Variants in AGBL4 observed in about 807,000 individuals in gnomAD.
AGBL4 encodes AGBL carboxypeptidase 4.
Under a neutral mutation model 66.4 loss-of-function variants are expected in AGBL4, and 58 were observed. The ratio of observed to expected loss-of-function variants is 0.87; its 90% CI spans 0.71 to 1.09. The LOEUF (loss-of-function observed/expected upper bound fraction) is 1.09, where lower values mean the gene tolerates loss of function less well. AGBL4 is among the 50% of genes least tolerant of loss of function. The pLI is 0.00. For synonymous variants in AGBL4, 234 were observed against 222.9 expected (o/e 1.05, Z -0.44); for missense variants, 579 against 631.0 (o/e 0.92, Z 0.88).
chr1:49,304,262 G>T (rs1388441459), intron 3 of AGBL4, among the ~76,000 whole-genome samples: 1 of 152,042 alleles, frequency 6.6e-6, no homozygotes, highest in South Asian at 2.1e-4. Flanking sequence ...TTGTTTTGTC[G>T]AAGATCAGAT....
intron 4 of AGBL4, among the ~76,000 whole-genome samples, chr1:49,071,954 A>G (rs186372453): frequency 2.0e-5 from 3 of 152,124 alleles, no homozygotes; most frequent in Non-Finnish European, 4.4e-5. Flanking sequence ...TATATTCAGG[A>G]TAGTTAGCTC....
At chr1:49,832,555 C>T (rs1014053491) in intron 2 of AGBL4, among the ~76,000 whole-genome samples, 13 of 151,566 alleles carry the variant, frequency 8.6e-5, no homozygotes, top group Non-Finnish European at 1.5e-4. Flanking sequence ...AGTTCTAGAT[C>T]CCTGAGGAAT....
At chr1:49,486,778 C>T (rs1647076506) in intron 3 of AGBL4, among the ~76,000 whole-genome samples, 1 of 151,970 alleles carries the variant, frequency 6.6e-6, no homozygotes, top group African/African-American at 2.4e-5. Flanking sequence ...AAAAAATTTA[C>T]ATTCCTCTTA....
chr1:48,785,455 G>T (rs962999952), intron 6 of AGBL4, among the ~76,000 whole-genome samples: 1 of 152,172 alleles, frequency 6.6e-6, no homozygotes, highest in African/African-American at 2.4e-5. Context: ...TTTCCTCTCT[G>T]TGTTTCTGTG....
intron 2 of AGBL4, among the ~76,000 whole-genome samples, chr1:49,843,723 C>T (rs1201740648): frequency 1.3e-5 from 2 of 152,148 alleles, no homozygotes; most frequent in Non-Finnish European, 2.9e-5. Context: ...AAGATGTGGG[C>T]ATCTTGGGAA....
At chr1:48,901,876 A>G (rs1652114432) in intron 5 of AGBL4, among the ~76,000 whole-genome samples, 2 of 152,304 alleles carry the variant, frequency 1.3e-5, no homozygotes, top group Admixed American at 1.3e-4. Context: ...TGATAAAGAC[A>G]CACCTGAGAC....
chr1:49,747,354 T>C (rs1056300635), intron 2 of AGBL4, among the ~76,000 whole-genome samples: 6 of 152,100 alleles, frequency 3.9e-5, no homozygotes, highest in Non-Finnish European at 7.4e-5. Flanking sequence ...CTCAGCAACA[T>C]AGCGTAGTGA....
intron 3 of AGBL4, among the ~76,000 whole-genome samples, chr1:49,359,080 C>T (rs1458776288): frequency 1.3e-5 from 2 of 152,136 alleles, no homozygotes; most frequent in African/African-American, 4.8e-5. Flanking sequence ...AAGCTGGAGG[C>T]TCAGACAAAT....
At chr1:49,253,838 C>A (rs1570227511) in intron 3 of AGBL4, among the ~76,000 whole-genome samples, 1 of 152,092 alleles carries the variant, frequency 6.6e-6, no homozygotes, top group Non-Finnish European at 1.5e-5. Context: ...AGGCCTTATC[C>A]CTAAGATGCA....
chr1:49,744,260 A>T (rs929176213), intron 2 of AGBL4, among the ~76,000 whole-genome samples: 3 of 151,806 alleles, frequency 2.0e-5, no homozygotes, highest in Non-Finnish European at 4.4e-5. Flanking sequence ...TTCCCATGAG[A>T]TCTAGTTGTT....
At chr1:49,647,802 G>A (rs1487787926) in intron 3 of AGBL4, among the ~76,000 whole-genome samples, 6 of 149,666 alleles carry the variant, frequency 4.0e-5, no homozygotes, top group Admixed American at 1.3e-4. Context: ...ACCCACCTAC[G>A]AGGGAAAGAG....
chr1:49,284,719 A>G (rs559769424), intron 3 of AGBL4, among the ~76,000 whole-genome samples: 614 of 152,150 alleles, frequency 4.0e-3, no homozygotes, highest in African/African-American at 0.014. Flanking sequence ...CAGGGGTTGC[A>G]ATCCTAGTCT....
chr1:49,471,291 A>G (rs1416068410), intron 3 of AGBL4, among the ~76,000 whole-genome samples: 1 of 151,954 alleles, frequency 6.6e-6, no homozygotes, highest in African/African-American at 2.4e-5. Flanking sequence ...TAAACACTAG[A>G]TTTTTGTCCC....
At chr1:49,753,951 T>C (rs1484298111) in intron 2 of AGBL4, among the ~76,000 whole-genome samples, 3 of 152,228 alleles carry the variant, frequency 2.0e-5, no homozygotes, top group Non-Finnish European at 4.4e-5. Context: ...AAACTGGTTA[T>C]TCTAGTTAGC....
chr1:49,505,123 T>G (rs2148771030), intron 3 of AGBL4, among the ~76,000 whole-genome samples: 1 of 152,162 alleles, frequency 6.6e-6, no homozygotes, highest in Non-Finnish European at 1.5e-5. Flanking sequence ...ATAACTACAC[T>G]TTCACTCCAA....
At chr1:49,873,087 A>T (rs532173051) in intron 1 of AGBL4, among the ~76,000 whole-genome samples, 3 of 151,768 alleles carry the variant, frequency 2.0e-5, no homozygotes, top group East Asian at 1.9e-4. Flanking sequence ...AATGTATTTT[A>T]TATATATATA....
chr1:48,659,619 C>G (rs1035931662), intron 7 of AGBL4, among the ~76,000 whole-genome samples: 2 of 152,218 alleles, frequency 1.3e-5, no homozygotes, highest in Non-Finnish European at 2.9e-5. Flanking sequence ...TCAGGCCAAG[C>G]TCCTGGCTTG....
chr1:49,830,154 A>G (rs970533248), intron 2 of AGBL4, among the ~76,000 whole-genome samples: 6 of 152,230 alleles, frequency 3.9e-5, no homozygotes, highest in East Asian at 1.9e-4. Context: ...GCTGGGTCCA[A>G]TGGTATTTCT....
At chr1:48,724,318 C>A (rs942047785) in intron 6 of AGBL4, among the ~76,000 whole-genome samples, 2 of 152,208 alleles carry the variant, frequency 1.3e-5, no homozygotes, top group African/African-American at 2.4e-5. Context: ...TTGGTAAGTG[C>A]TAGAGTTGGG....
Sources: gnomAD v4.1 joint callset for allele counts (sites outside exome capture counted in the v4.1 genomes callset) on GRCh38, gnomAD v4.1.1 for gene constraint, MANE v1.5 for transcripts, NCBI Gene and HGNC (gene_info 2026-07-23, HGNC 2026-07-21) for gene names.